Variants in SMG7 observed in about 807,000 individuals in gnomAD.
SMG7 encodes SMG7 nonsense mediated mRNA decay factor, also known as nonsense-mediated mRNA decay factor SMG7.
A neutral mutation model predicts 148.2 loss-of-function variants in SMG7; 34 were observed. The observed-to-expected ratio is 0.23, with a 90% confidence interval of 0.17 to 0.31. The LOEUF is 0.31. SMG7 is among the 10% of genes least tolerant of loss of function. SMG7 has a pLI of 1.00. For missense variants in SMG7, 1,114 were observed against 1,408.4 expected (o/e 0.79, Z 3.35); for synonymous variants, 492 against 515.1 (o/e 0.96, Z 0.61).
intron 8 of SMG7, 81 bp downstream of exon 8, chr1:183,529,614 T>C (rs1666512324): frequency 8.8e-7 from 1 of 1,135,386 alleles, no homozygotes; most frequent in Non-Finnish European, 1.3e-6. Context: ...TCCCAGTTTT[T>C]GTAGTTACTT....
At chr1:183,483,028 A>G (rs1654557243) in intron 1 of SMG7, among the ~76,000 whole-genome samples, 1 of 152,152 alleles carries the variant, frequency 6.6e-6, no homozygotes, top group Admixed American at 6.6e-5. Context: ...TAAAGAAGAA[A>G]AACTTTGCAG....
Position 183,547,121 on chromosome 1 carries a change from C to G in SMG7, c.2761C>G (p.Leu921Val). 1.3e-6 allele frequency: 2 copies of G among 1,550,272 alleles called. No homozygotes were observed. Among genetic ancestry groups the G allele is most frequent in the Non-Finnish European group, 1.7e-6 (2 of 1,146,768 alleles). ...MPFEDPKSSPLLPPDLLKSLA... is the reference protein window; with the variant it reads ...MPFEDPKSSPVLPPDLLKSLA... ...TCACTAGGACCCCAAGAGCTCCCCT[C>G]TGCTTCCTCCGGACCTGTTAAAGAG... Residue 921 changes from leucine (L) to valine (V), a missense_variant, in exon 18 of 23, where the codon CTG (leucine) becomes GTG (valine). Leu to Val is a conservative substitution (Grantham distance 32). Coordinates refer to ENST00000688051, the MANE Select transcript of SMG7 (RefSeq NM_001375584.1).
chr1:183,496,748 C>T (rs1335142838), intron 1 of SMG7, among the ~76,000 whole-genome samples: 2 of 152,142 alleles, frequency 1.3e-5, no homozygotes, highest in African/African-American at 4.8e-5. Context: ...GTTTTGGCTT[C>T]CCTGGGTTAC....
intron 10 of SMG7, 121 bp downstream of exon 10, chr1:183,533,953 A>G: frequency 1.3e-6 from 1 of 766,670 alleles, no homozygotes; most frequent in East Asian, 2.7e-5. Flanking sequence ...TTTTCTGCCG[A>G]CTCTCGGGAA....
At position 183,533,839 on chromosome 1, in the gene SMG7, A is replaced by G. The variant is rs368391671; in HGVS notation, c.1163+7A>G. 1.3e-6 allele frequency: 2 copies of G among 1,592,560 alleles called. No homozygotes were observed. Among genetic ancestry groups the G allele is most frequent in the African/African-American group, 2.7e-5 (2 of 74,254 alleles). On this transcript the variant is annotated splice_region_variant and intron_variant, in intron 10 of 22. Coordinates refer to ENST00000688051, the MANE Select transcript of SMG7 (RefSeq NM_001375584.1). The stretch of plus-strand genomic sequence containing the variant: ...TGGTGGATGAAAGACAGTAGTAAGT[A>G]TTTTTAGAATTTCATGTTAACTTGT...
chr1:183,548,548 A>G (rs1670361996), intron 18 of SMG7, among the ~76,000 whole-genome samples: 1 of 152,142 alleles, frequency 6.6e-6, no homozygotes, highest in Non-Finnish European at 1.5e-5. Flanking sequence ...CTTCGACTAT[A>G]ACCCTTCCAA....
chr1:183,523,453 C>T (rs1317382027), intron 4 of SMG7, among the ~76,000 whole-genome samples: 2 of 152,130 alleles, frequency 1.3e-5, no homozygotes, highest in Non-Finnish European at 2.9e-5. Flanking sequence ...GAACTAGAGG[C>T]ATTAATATTC....
intron 16 of SMG7, among the ~76,000 whole-genome samples, chr1:183,545,673 G>C (rs1324669679): frequency 6.6e-6 from 1 of 152,186 alleles, no homozygotes; most frequent in Non-Finnish European, 1.5e-5. Flanking sequence ...GTTGTCGTTG[G>C]AAGCACAGCA....
chr1:183,530,285 G>A (rs1315865695), intron 8 of SMG7, among the ~76,000 whole-genome samples: 15 of 152,080 alleles, frequency 9.9e-5, no homozygotes, highest in Non-Finnish European at 1.6e-4. Context: ...TAGTATTTCT[G>A]TAAGTTCTTT....
At chr1:183,539,918 G>A (rs1668494785) in intron 12 of SMG7, among the ~76,000 whole-genome samples, 1 of 152,088 alleles carries the variant, frequency 6.6e-6, no homozygotes. Flanking sequence ...TAGTTTTTAA[G>A]TATGGAAATA....
intron 3 of SMG7, among the ~76,000 whole-genome samples, chr1:183,517,373 C>T (rs572426227): frequency 3.3e-5 from 5 of 152,286 alleles, no homozygotes; most frequent in African/African-American, 9.6e-5. Flanking sequence ...TTACTTTGAT[C>T]TTGCCACCAT....
Position 183,527,916 on chromosome 1 carries a change from T to C in SMG7, c.485-40T>C. ...GTTTTGGAAATACTACCCTACTGTT[T>C]GTTTTTTGGGTTTTTTAAAACTAAT... On this transcript the variant is annotated intron_variant, in intron 5 of 22. Coordinates refer to ENST00000688051, the MANE Select transcript of SMG7 (RefSeq NM_001375584.1). The surrounding 1 kb of genome is among the most constrained non-coding windows in gnomAD (Gnocchi z 4.0). 6.7e-7 allele frequency: 1 copy of C among 1,496,088 alleles called. No homozygotes were observed. 92.7% of individuals were successfully genotyped at this position (1,496,088 alleles called of 1,614,324 possible).
chr1:183,494,756 C>CTTTT lies in SMG7; in HGVS notation c.30-18056_30-18053dup, dbSNP rs141159130. Among the ~76,000 whole-genome samples the CTTTT allele has an allele frequency of 3.9e-4, 6 of 15,278 alleles. 2 individuals carry two copies. The highest frequency in any genetic ancestry group is 3.9e-4 in the Non-Finnish European group (3 of 7,678). 10.0% of individuals were successfully genotyped at this position (15,278 alleles called of 152,430 possible). A position where few individuals can be genotyped will look rare whatever the true frequency, so the allele number is the denominator to read the frequency against. ...GATAAGAACTTAGCTAGCCCTTGTT[C>CTTTT]TTTTTTTTTTTTTTTTTTTTTTTTT... On this transcript the variant is annotated intron_variant, in intron 1 of 22. Coordinates refer to ENST00000688051, the MANE Select transcript of SMG7 (RefSeq NM_001375584.1).
chr1:183,529,444 G>T lies in SMG7; in HGVS notation c.754G>T (p.Ala252Ser), dbSNP rs749882734. ...GTGGGGTGTTTCTGACTTCATCAAGGCCTTTATTAAATTCCACGGTCATGT... is the reference window on the plus strand; with the variant it reads ...GTGGGGTGTTTCTGACTTCATCAAGTCCTTTATTAAATTCCACGGTCATGT... ...TKWGVSDFIKAFIKFHGHVYL... is the reference protein window; with the variant it reads ...TKWGVSDFIKSFIKFHGHVYL... Residue 252 changes from alanine (A) to serine (S), a missense_variant, in exon 8 of 23, where the codon GCC (alanine) becomes TCC (serine). This residue lies in a region of SMG7 where 216 missense variants were observed against 329.1 expected (regional missense o/e 0.66). Transcript: ENST00000688051. 7.4e-6 allele frequency: 12 copies of T among 1,613,272 alleles called. No homozygotes were observed. In the Admixed American group the frequency reaches 1.5e-4, roughly 20 times the overall value.
chr1:183,553,407 T>TAC lies in SMG7; in HGVS notation c.*1483_*1484dup. 1 of 569,184 alleles carries TAC rather than the reference T, an allele frequency of 1.8e-6. No individual in the cohort carries two copies. The highest frequency in any genetic ancestry group is 3.1e-6 in the Non-Finnish European group (1 of 325,608). 35.3% of individuals were successfully genotyped at this position (569,184 alleles called of 1,614,324 possible). A position where few individuals can be genotyped will look rare whatever the true frequency, so the allele number is the denominator to read the frequency against. ...TCCTTTGTGTGTCTGTATGTTTGTG[T>TAC]ACACACACGTGCCCATCTGCTGTCC... On this transcript the variant is annotated 3_prime_UTR_variant, in exon 23 of 23. Coordinates refer to ENST00000688051, the MANE Select transcript of SMG7 (RefSeq NM_001375584.1).
At chr1:183,550,182 A>T (rs552828307) in intron 20 of SMG7, 2 of 365,258 alleles carry the variant, frequency 5.5e-6, no homozygotes, top group Non-Finnish European at 9.8e-6. Flanking sequence ...GTTCTATCTT[A>T]TGGTTCTCAG....
In SMG7 at chr1:183,541,033, G is replaced by A. The variant is rs988371125; in HGVS notation, c.1345G>A (p.Gly449Ser). The A allele has an allele frequency of 3.7e-6, 6 of 1,613,488 alleles. No homozygotes were observed. The African/African-American group carries it at 5.3e-5, about 14-fold the overall frequency. The change falls in exon 13 of 23, where the codon GGC (glycine) becomes AGC (serine). Residue 449 changes from glycine to serine, a missense_variant. Gly to Ser is a moderately conservative substitution (Grantham distance 56). Coordinates refer to ENST00000688051, the MANE Select transcript of SMG7 (RefSeq NM_001375584.1). ...GHQGITGDKEGQQRRIRQQRL... is the reference protein window; with the variant it reads ...GHQGITGDKESQQRRIRQQRL... ...CCAGGGTATTACAGGGGACAAAGAA[G>A]GCCAGCAACGACGAATACGACAGCA...
intron 1 of SMG7, among the ~76,000 whole-genome samples, chr1:183,476,249 G>C (rs963374605): frequency 7.2e-5 from 11 of 152,280 alleles, no homozygotes; most frequent in Non-Finnish European, 1.6e-4. Flanking sequence ...GATGTGGTTG[G>C]GGGGTGTAGC....
intron 1 of SMG7, among the ~76,000 whole-genome samples, chr1:183,477,278 C>T (rs992383509): frequency 6.6e-6 from 1 of 152,170 alleles, no homozygotes; most frequent in African/African-American, 2.4e-5. Flanking sequence ...TCTTCCTTCA[C>T]TATTCTCTTT....
Sources: allele counts gnomAD v4.1 joint callset (sites outside exome capture counted in the v4.1 genomes callset), GRCh38; gene constraint gnomAD v4.1.1; regional missense constraint gnomAD v4.1.1; non-coding constraint Gnocchi (gnomAD v3.1); transcripts MANE v1.5; gene names NCBI Gene and HGNC (gene_info 2026-07-23, HGNC 2026-07-21).